Variants in ZFAND3 observed in about 807,000 individuals in gnomAD.
ZFAND3 encodes zinc finger AN1-type containing 3, also known as AN1-type zinc finger protein 3.
ZFAND3 carries 10 observed loss-of-function variants against 29.6 expected under a neutral mutation model. The observed-to-expected ratio is 0.34, with a 90% CI of 0.21 to 0.57. The LOEUF (loss-of-function observed/expected upper bound fraction) is 0.57. Among genes scored for constraint, ZFAND3 ranks in the 20% least tolerant of loss-of-function variants. ZFAND3 has a pLI of 0.86. For synonymous variants in ZFAND3, 128 were observed against 112.6 expected (o/e 1.14, Z -0.87); for missense variants, 230 against 304.5 (o/e 0.76, Z 1.82).
intron 2 of ZFAND3, among the ~76,000 whole-genome samples, chr6:38,002,541 C>T (rs556016838): frequency 6.6e-6 from 1 of 151,780 alleles, no homozygotes; most frequent in East Asian, 1.9e-4. Context: ...TAGCCTGGCT[C>T]GGTGTTGTGC....
chr6:37,836,839 A>G (rs1008343430), intron 1 of ZFAND3, among the ~76,000 whole-genome samples: 10 of 152,190 alleles, frequency 6.6e-5, no homozygotes, highest in African/African-American at 2.4e-4. Flanking sequence ...AGGTTCTGGC[A>G]GACAAGATTG....
rs561798322 is a variant in ZFAND3 at position 37,957,179 on chromosome 6, C to CA, written c.112+27180_112+27181insA. Among the ~76,000 whole-genome samples, 3 of 152,328 alleles carry CA rather than the reference C, an allele frequency of 2.0e-5. No individual in the cohort carries two copies. The South Asian group carries it at 6.2e-4, about 32-fold the overall frequency. On this transcript the variant is annotated intron_variant, in intron 2 of 5. Coordinates refer to ENST00000287218, the MANE Select transcript of ZFAND3 (RefSeq NM_021943.3). ...TCCATGTGTTAAGCAAGTTCCCCCC[C>CA]TTTCTTCCTCTCTTTTCAGGAATAA...
intron 2 of ZFAND3, among the ~76,000 whole-genome samples, chr6:38,036,142 A>G (rs1763653056): frequency 6.6e-6 from 1 of 152,240 alleles, no homozygotes; most frequent in Non-Finnish European, 1.5e-5. Context: ...GCAGTTTCCA[A>G]GCACCACATA....
intron 2 of ZFAND3, among the ~76,000 whole-genome samples, chr6:38,052,706 G>A (rs1322751303): frequency 6.6e-6 from 1 of 152,020 alleles, no homozygotes; most frequent in African/African-American, 2.4e-5. Flanking sequence ...GTGAATATGA[G>A]GATAAAAAAA....
intron 2 of ZFAND3, among the ~76,000 whole-genome samples, chr6:38,018,481 A>AT (rs1220696594): frequency 6.6e-6 from 1 of 152,206 alleles, no homozygotes; most frequent in Non-Finnish European, 1.5e-5. Context: ...TTTAAAAGGT[A>AT]TAAGGGTATA....
chr6:38,098,216 G>T (rs1177870540), intron 4 of ZFAND3, among the ~76,000 whole-genome samples: 1 of 152,034 alleles, frequency 6.6e-6, no homozygotes, highest in African/African-American at 2.4e-5. Context: ...GCGTGTAGTT[G>T]TCTCACTGCA....
intron 2 of ZFAND3, among the ~76,000 whole-genome samples, chr6:38,023,519 T>C (rs1283822459): frequency 2.6e-5 from 4 of 152,208 alleles, no homozygotes; most frequent in Non-Finnish European, 4.4e-5. Context: ...TGTATGACTA[T>C]GTAATTTTTA....
chr6:37,986,292 C>A (rs540461953), intron 2 of ZFAND3, among the ~76,000 whole-genome samples: 3 of 152,164 alleles, frequency 2.0e-5, no homozygotes, highest in Non-Finnish European at 4.4e-5. Context: ...TACTCACTTA[C>A]ATTACCTGCC....
chr6:37,951,543 C>T (rs1438006223), intron 2 of ZFAND3, among the ~76,000 whole-genome samples: 4 of 151,868 alleles, frequency 2.6e-5, no homozygotes, highest in Non-Finnish European at 2.9e-5. Context: ...TGCAGTGAGC[C>T]GAGATTGTGC....
intron 1 of ZFAND3, 49 bp from the exon 2 acceptor site, chr6:37,929,910 T>TA (rs957246960): frequency 6.4e-7 from 1 of 1,552,424 alleles, no homozygotes; most frequent in South Asian, 1.2e-5. Context: ...ATTAGAGTGA[T>TA]ATGGAGTTTT....
intron 2 of ZFAND3, among the ~76,000 whole-genome samples, chr6:38,047,438 A>G (rs1763926604): frequency 6.6e-6 from 1 of 151,890 alleles, no homozygotes; most frequent in Non-Finnish European, 1.5e-5. Flanking sequence ...TTTATCTGAG[A>G]GGGAAAATGT....
chr6:37,949,874 T>C (rs1427807072), intron 2 of ZFAND3, among the ~76,000 whole-genome samples: 2 of 152,184 alleles, frequency 1.3e-5, no homozygotes, highest in African/African-American at 4.8e-5. Context: ...GGAAGCTTAC[T>C]GAACCCTCTC....
chr6:37,917,284 G>A (rs1409541302), intron 1 of ZFAND3, among the ~76,000 whole-genome samples: 2 of 152,120 alleles, frequency 1.3e-5, no homozygotes, highest in Non-Finnish European at 2.9e-5. Flanking sequence ...GGTCTCAGTA[G>A]CTCACTTTAT....
chr6:37,840,233 G>T (rs925537583), intron 1 of ZFAND3, among the ~76,000 whole-genome samples: 1 of 152,056 alleles, frequency 6.6e-6, no homozygotes, highest in Non-Finnish European at 1.5e-5. Context: ...AAATAGCTGG[G>T]CCTACAGGGA....
intron 2 of ZFAND3, among the ~76,000 whole-genome samples, chr6:37,966,263 T>C (rs1762291431): frequency 6.6e-6 from 1 of 152,200 alleles, no homozygotes; most frequent in Admixed American, 6.5e-5. Flanking sequence ...TCTATACAAA[T>C]GCTAGAATGT....
At chr6:37,877,865 T>G (rs767328945) in intron 1 of ZFAND3, among the ~76,000 whole-genome samples, 1 of 152,204 alleles carries the variant, frequency 6.6e-6, no homozygotes, top group Non-Finnish European at 1.5e-5. Flanking sequence ...AGTCCGAGTT[T>G]TATTTTAAGT....
At chr6:37,873,126 C>T (rs1352981996) in intron 1 of ZFAND3, among the ~76,000 whole-genome samples, 6 of 152,260 alleles carry the variant, frequency 3.9e-5, no homozygotes, top group Non-Finnish European at 8.8e-5. Context: ...AAAAAATTAG[C>T]CAGGCGCGGT....
chr6:38,009,869 A>G (rs1252984206), intron 2 of ZFAND3, among the ~76,000 whole-genome samples: 1 of 152,182 alleles, frequency 6.6e-6, no homozygotes, highest in East Asian at 1.9e-4. Context: ...TTGAATCTGA[A>G]ATTGATATTT....
At chr6:38,134,212 G>A (rs531632460) in intron 5 of ZFAND3, among the ~76,000 whole-genome samples, 3 of 152,278 alleles carry the variant, frequency 2.0e-5, no homozygotes, top group African/African-American at 7.2e-5. Flanking sequence ...AGACACAGTG[G>A]CATTTAATTC....
Sources: allele counts gnomAD v4.1 joint callset (sites outside exome capture counted in the v4.1 genomes callset), GRCh38; gene constraint gnomAD v4.1.1; transcripts MANE v1.5; gene names NCBI Gene and HGNC (gene_info 2026-07-23, HGNC 2026-07-21).